ITGA11: variants seen among roughly 807,000 people sequenced by gnomAD.
The protein encoded by ITGA11 is integrin alpha-11.
A neutral mutation model predicts 141.9 loss-of-function variants in ITGA11; 97 were observed. The observed-to-expected ratio is 0.68, with a 90% confidence interval of 0.58 to 0.81. The LOEUF (loss-of-function observed/expected upper bound fraction) is 0.81. Ranked by LOEUF, ITGA11 falls within the 30% of genes least tolerant of loss-of-function variation. The pLI, the probability that ITGA11 is intolerant of heterozygous loss-of-function variation, is 0.00. For synonymous variants in ITGA11, 658 were observed against 624.6 expected (o/e 1.05, Z -0.80); for missense variants, 1,387 against 1,559.2 (o/e 0.89, Z 1.86).
At chr15:68,400,749 AAATATTAT>A (rs1210565386) in intron 2 of ITGA11, among the ~76,000 whole-genome samples, 16 of 20,758 alleles carry the variant, frequency 7.7e-4, no homozygotes, top group Admixed American at 1.8e-3. Context: ...ATTATATAAT[AAATATTAT>A]AATATTATAT....
intron 5 of ITGA11, 136 bp from the exon 6 acceptor site, chr15:68,358,721 TG>T: frequency 1.0e-6 from 1 of 967,348 alleles, no homozygotes; most frequent in Non-Finnish European, 1.5e-6. Flanking sequence ...AAACTGTCCT[TG>T]GGTTGGACAT....
At chr15:68,403,175 C>T (rs1896553156) in intron 1 of ITGA11, 146 bp from the exon 2 acceptor site, 3 of 634,362 alleles carry the variant, frequency 4.7e-6, no homozygotes, top group Middle Eastern at 2.8e-4. Flanking sequence ...CTTGGGGAGT[C>T]CCTGTATGAG....
At chr15:68,364,926 G>C in intron 3 of ITGA11, 128 bp from the exon 4 acceptor site, 1 of 965,120 alleles carries the variant, frequency 1.0e-6, no homozygotes, top group Non-Finnish European at 1.6e-6. Context: ...CTGGCTCTCA[G>C]GGTTTACAAA....
intron 1 of ITGA11, 71 bp downstream of exon 1, chr15:68,431,944 G>A: frequency 3.6e-6 from 4 of 1,105,916 alleles, no homozygotes; most frequent in Non-Finnish European, 4.7e-6. Flanking sequence ...GATCCTGGCC[G>A]CTGGATCCAA....
rs1894200673 is a variant in ITGA11 at position 68,332,321 on chromosome 15, C to T, written c.1566+17G>A. The stretch of plus-strand genomic sequence containing the variant: ...TGGGGGCACCTGAGAAGCTGCCCAG[C>T]CCCTGCCCAGCTGTACCTGTCTCAG... On this transcript the variant is annotated intron_variant, in intron 13 of 29. Coordinates refer to ENST00000315757, the MANE Select transcript of ITGA11 (RefSeq NM_001004439.2). 1.3e-6 allele frequency: 2 copies of T among 1,595,730 alleles called. No homozygotes were observed. The highest frequency in any genetic ancestry group is 1.3e-5 in the African/African-American group (1 of 74,530).
intron 2 of ITGA11, among the ~76,000 whole-genome samples, chr15:68,370,150 C>T (rs186201673): frequency 6.6e-6 from 1 of 152,266 alleles, no homozygotes; most frequent in East Asian, 1.9e-4. Flanking sequence ...GGCTCGTGTC[C>T]TTCAGGACTC....
intron 5 of ITGA11, among the ~76,000 whole-genome samples, chr15:68,358,909 A>T (rs931953374): frequency 6.6e-6 from 1 of 152,222 alleles, no homozygotes; most frequent in Non-Finnish European, 1.5e-5. Flanking sequence ...GTACCTTGGT[A>T]TTGTTTGTTT....
At chr15:68,314,914 C>T (rs1413921405) in intron 22 of ITGA11, among the ~76,000 whole-genome samples, 1 of 152,088 alleles carries the variant, frequency 6.6e-6, no homozygotes, top group African/African-American at 2.4e-5. Flanking sequence ...AGGATTTTTG[C>T]CATTTATAAG....
At chr15:68,424,513 G>A (rs1198996895) in intron 1 of ITGA11, among the ~76,000 whole-genome samples, 2 of 152,118 alleles carry the variant, frequency 1.3e-5, no homozygotes, top group Non-Finnish European at 2.9e-5. Flanking sequence ...GTGATGATGT[G>A]TTCTGGGGTG....
intron 20 of ITGA11, among the ~76,000 whole-genome samples, chr15:68,318,220 G>C (rs754732921): frequency 6.6e-6 from 1 of 152,008 alleles, no homozygotes; most frequent in Non-Finnish European, 1.5e-5. Context: ...CTATGTGTGG[G>C]GACACAGCAC....
intron 1 of ITGA11, among the ~76,000 whole-genome samples, chr15:68,411,947 C>T (rs1189826942): frequency 1.3e-5 from 2 of 152,008 alleles, no homozygotes; most frequent in African/African-American, 4.8e-5. Context: ...TGCCCCAGCC[C>T]AACCTAGCTG....
At chr15:68,331,793 G>C in intron 14 of ITGA11, 66 bp downstream of exon 14, 2 of 1,371,290 alleles carry the variant, frequency 1.5e-6, no homozygotes, top group Non-Finnish European at 2.0e-6. Context: ...AGGCACAGAA[G>C]CTCCTGGGAC....
rs978868215 is a variant in ITGA11 at position 68,308,341 on chromosome 15, G to C, written c.3175-645C>G. Among the ~76,000 whole-genome samples, 1 of 152,172 alleles carries C rather than the reference G, an allele frequency of 6.6e-6. No individual in the cohort carries two copies. Among genetic ancestry groups the C allele is most frequent in the Non-Finnish European group, 1.5e-5 (1 of 68,038 alleles). ...AGCAAAAACAAACATCAAATTTATG[G>C]TGAAACTTGAGTGAAAGAACAGTGA... is the stretch of plus-strand genomic sequence containing the variant. On this transcript the variant is annotated intron_variant, in intron 26 of 29. Transcript: ENST00000315757. The surrounding 1 kb of genome is among the most constrained non-coding windows in gnomAD (Gnocchi z 5.2).
chr15:68,304,711 G>A lies in ITGA11; in HGVS notation c.3382-826C>T, dbSNP rs979589450. Among the ~76,000 whole-genome samples, 4 of 152,112 alleles carry A rather than the reference G, an allele frequency of 2.6e-5. No homozygotes were observed. Among genetic ancestry groups the A allele is most frequent in the African/African-American group, 4.8e-5 (2 of 41,420 alleles). On this transcript the variant is annotated intron_variant, in intron 28 of 29. Coordinates refer to ENST00000315757, the MANE Select transcript of ITGA11 (RefSeq NM_001004439.2). This position sits in a 1 kb window ranked among gnomAD's most constrained non-coding sequence, Gnocchi z 6.1. ...CCAAGCTCTTAACACCCCAGCCCCC[G>A]AAGCCTGCTCTTTCCAGCTCTTTCT...
chr15:68,380,308 A>C (rs575766868), intron 2 of ITGA11, among the ~76,000 whole-genome samples: 1 of 152,338 alleles, frequency 6.6e-6, no homozygotes, highest in East Asian at 1.9e-4. Flanking sequence ...ACCTATCCCC[A>C]GATGGGCTAA....
intron 11 of ITGA11, among the ~76,000 whole-genome samples, chr15:68,336,394 T>A (rs1894359694): frequency 6.6e-6 from 1 of 152,192 alleles, no homozygotes. Flanking sequence ...CAGGGATTCT[T>A]GCAGCCCCAA....
rs1203029880 is a variant in ITGA11, at chr15:68,350,889, C to G, written c.895-107G>C. The G allele has an allele frequency of 2.6e-6, 3 of 1,150,976 alleles. No individual in the cohort carries two copies. In the African/African-American group the frequency reaches 4.7e-5, roughly 18 times the overall value. The allele number at this position is 1,150,976 out of a possible 1,614,324, so 71.3% of individuals were successfully genotyped here. On this transcript the variant is annotated intron_variant, in intron 8 of 29. Coordinates refer to ENST00000315757, the MANE Select transcript of ITGA11 (RefSeq NM_001004439.2). ...ACCCCAGGGTGGGCTGGAGCCAGGGCCGGTAGCCATGAGAGTTCCTCGCAA... is the reference window on the plus strand; with the variant it reads ...ACCCCAGGGTGGGCTGGAGCCAGGGGCGGTAGCCATGAGAGTTCCTCGCAA...
At chr15:68,306,707 T>C (rs935324047) in intron 28 of ITGA11, among the ~76,000 whole-genome samples, 1 of 152,346 alleles carries the variant, frequency 6.6e-6, no homozygotes, top group African/African-American at 2.4e-5. Context: ...GATTGTTTTA[T>C]AAGGGATGCT....
rs1301634965 is a variant in ITGA11 at position 68,299,768 on chromosome 15, T to TA, written c.*3290dup. On this transcript the variant is annotated 3_prime_UTR_variant, in exon 30 of 30. Transcript: ENST00000315757. Reference sequence around the variant, plus strand: ...AAAACCTTTTGAATACTGACGGAGGTAGGAATTTATCTTGTGAAGACCTCT... The same window carrying TA: ...AAAACCTTTTGAATACTGACGGAGGTAAGGAATTTATCTTGTGAAGACCTCT... 3.3e-5 allele frequency: 5 copies of TA among 152,170 alleles called. No homozygotes were observed. The highest frequency in any genetic ancestry group is 2.6e-4 in the Admixed American group (4 of 15,274). The allele number at this position is 152,170 out of a possible 1,614,324, so 9.4% of individuals were successfully genotyped here.
Sources: allele counts gnomAD v4.1 joint callset (sites outside exome capture counted in the v4.1 genomes callset), GRCh38; gene constraint gnomAD v4.1.1; non-coding constraint Gnocchi (gnomAD v3.1); transcripts MANE v1.5; gene names NCBI Gene and HGNC (gene_info 2026-07-23, HGNC 2026-07-21).